Variants in SPPL3 observed in about 807,000 individuals in gnomAD.
The protein encoded by SPPL3 is signal peptide peptidase-like 3.
A neutral mutation model predicts 42.4 loss-of-function variants in SPPL3; 5 were observed. The ratio of observed to expected loss-of-function variants is 0.12; its 90% CI spans 0.06 to 0.25. SPPL3 has a LOEUF of 0.25. Ranked by LOEUF, SPPL3 falls within the 10% of genes least tolerant of loss-of-function variation. SPPL3 has a pLI of 1.00. For synonymous variants in SPPL3, 195 were observed against 181.8 expected (o/e 1.07, Z -0.58); for missense variants, 235 against 489.0 (o/e 0.48, Z 4.90).
chr12:120,787,464 A>G (rs1389155796), intron 3 of SPPL3, among the ~76,000 whole-genome samples: 7 of 152,152 alleles, frequency 4.6e-5, no homozygotes, highest in Non-Finnish European at 1.0e-4. Flanking sequence ...AAGTTAGAAC[A>G]AGGTCAGGGG....
At chr12:120,778,004 G>T (rs539902551) in intron 6 of SPPL3, among the ~76,000 whole-genome samples, 64 of 151,488 alleles carry the variant, frequency 4.2e-4, no homozygotes, top group Admixed American at 8.6e-4. Flanking sequence ...TTGGTATATG[G>T]TAGACACTCA....
intron 1 of SPPL3, among the ~76,000 whole-genome samples, chr12:120,828,479 T>G (rs1871296726): frequency 6.6e-6 from 1 of 151,868 alleles, no homozygotes; most frequent in African/African-American, 2.4e-5. Flanking sequence ...AGAGCAGAAA[T>G]CAATGAGACT....
rs1187886741 is a variant in SPPL3, at chr12:120,785,505, A to G, written c.191-912T>C. Among the ~76,000 whole-genome samples the G allele has an allele frequency of 2.0e-5, 3 of 152,280 alleles. No homozygotes were observed. The East Asian group carries it at 5.8e-4, about 29-fold the overall frequency. On this transcript the variant is annotated intron_variant, in intron 3 of 10. Transcript: ENST00000353487. Reference sequence around the variant, plus strand: ...TTGCATCTAGGGTTGAGAACCATTAATAGAGTATTTTTGGTAGAGAAGGAA... The same window carrying G: ...TTGCATCTAGGGTTGAGAACCATTAGTAGAGTATTTTTGGTAGAGAAGGAA...
intron 1 of SPPL3, among the ~76,000 whole-genome samples, chr12:120,816,851 T>C (rs11065276): frequency 0.063 from 9,665 of 152,258 alleles, 552 homozygotes; most frequent in East Asian, 0.3. Context: ...CAAAACTGGA[T>C]GACAAACTGA....
intron 1 of SPPL3, among the ~76,000 whole-genome samples, chr12:120,840,397 G>A (rs937456464): frequency 7.3e-5 from 11 of 151,548 alleles, no homozygotes; most frequent in Admixed American, 1.3e-4. Context: ...ATATATATTG[G>A]ATGATTCCAT....
chr12:120,820,652 G>A (rs1437923804), intron 1 of SPPL3, among the ~76,000 whole-genome samples: 2 of 151,990 alleles, frequency 1.3e-5, no homozygotes, highest in Non-Finnish European at 2.9e-5. Flanking sequence ...TAATGTTGGA[G>A]ATCATTGTTT....
chr12:120,848,937 T>A (rs187129637), intron 1 of SPPL3, among the ~76,000 whole-genome samples: 39 of 152,286 alleles, frequency 2.6e-4, no homozygotes, highest in Admixed American at 1.9e-3. Context: ...GTTTTTTTTT[T>A]GGCCATCTTT....
intron 1 of SPPL3, chr12:120,835,719 T>C (rs1051149422): frequency 5.3e-5 from 8 of 152,182 alleles, no homozygotes; most frequent in African/African-American, 1.9e-4. Flanking sequence ...CAAGTCGGTA[T>C]TACAGAATTC....
At chr12:120,873,561 C>A (rs1054511944) in intron 1 of SPPL3, among the ~76,000 whole-genome samples, 2 of 152,024 alleles carry the variant, frequency 1.3e-5, no homozygotes, top group African/African-American at 4.8e-5. Context: ...AGGAAAAGGC[C>A]GTATTATTCA....
intron 2 of SPPL3, among the ~76,000 whole-genome samples, chr12:120,793,118 T>C (rs1052785933): frequency 2.6e-5 from 4 of 152,170 alleles, no homozygotes; most frequent in Admixed American, 6.5e-5. Flanking sequence ...GAACAAAGGA[T>C]CTGAAGAGAC....
intron 2 of SPPL3, among the ~76,000 whole-genome samples, chr12:120,793,205 A>T (rs1164373938): frequency 6.6e-6 from 1 of 152,214 alleles, no homozygotes; most frequent in Non-Finnish European, 1.5e-5. Flanking sequence ...TCAGGGAAAT[A>T]CAAGTCAAAA....
chr12:120,821,886 C>G (rs113554267), intron 1 of SPPL3, among the ~76,000 whole-genome samples: 3 of 152,120 alleles, frequency 2.0e-5, no homozygotes, highest in Admixed American at 2.0e-4. Flanking sequence ...AATTGTGGTA[C>G]AGCCATCCAA....
chr12:120,807,924 A>G (rs556168208), intron 2 of SPPL3, among the ~76,000 whole-genome samples: 1 of 145,036 alleles, frequency 6.9e-6, no homozygotes, highest in East Asian at 2.0e-4. Context: ...ATCATGATTT[A>G]CTTTTTGCAG....
chr12:120,784,292 G>A (rs1036460364), intron 4 of SPPL3, 182 bp downstream of exon 4: 1 of 515,432 alleles, frequency 1.9e-6, no homozygotes, highest in African/African-American at 2.0e-5. Flanking sequence ...AGATGACGTG[G>A]ATCAAGAGGT....
At chr12:120,853,976 G>GCACACA (rs1246999754) in intron 1 of SPPL3, among the ~76,000 whole-genome samples, 39 of 64,170 alleles carry the variant, frequency 6.1e-4, no homozygotes, top group South Asian at 4.0e-3. Flanking sequence ...CCACACACAC[G>GCACACA]CACACATACA....
chr12:120,858,600 C>A (rs992840997), intron 1 of SPPL3, among the ~76,000 whole-genome samples: 1 of 151,894 alleles, frequency 6.6e-6, no homozygotes, highest in African/African-American at 2.4e-5. Context: ...AATGAACAAC[C>A]AACGGGTAAC....
Position 120,782,264 on chromosome 12 carries a change from G to A in SPPL3, c.502+391C>T, listed in dbSNP as rs115118172. On this transcript the variant is annotated intron_variant, in intron 6 of 10. Coordinates refer to ENST00000353487, the MANE Select transcript of SPPL3 (RefSeq NM_139015.5). The stretch of plus-strand genomic sequence containing the variant: ...AATAGCCTAAAAAGTGGAAACAACC[G>A]GTAAACGAATAAATAAAATTAGTGT... 3.3e-3 allele frequency among the ~76,000 whole-genome samples: 500 copies of A among 152,236 alleles called. 5 individuals are homozygous for A. Among genetic ancestry groups the A allele is most frequent in the African/African-American group, 0.012 (483 of 41,510 alleles).
chr12:120,825,098 C>A (rs577145756), intron 1 of SPPL3, among the ~76,000 whole-genome samples: 166 of 151,524 alleles, frequency 1.1e-3, no homozygotes, highest in Middle Eastern at 6.8e-3. Context: ...CAAATGGAAT[C>A]TTAATTACTA....
In SPPL3 at chr12:120,762,993, A is replaced by C. The variant is rs1472347729; in HGVS notation, c.*2006T>G. On this transcript the variant is annotated 3_prime_UTR_variant, in exon 11 of 11. Coordinates refer to ENST00000353487, the MANE Select transcript of SPPL3 (RefSeq NM_139015.5). ...CTATATGCATCCTCGAGGGCTGAGA[A>C]GGAAGGAAGGGAGAGTCCGCAAGTG... 5.3e-5 allele frequency: 8 copies of C among 152,224 alleles called. No individual in the cohort carries two copies. Among genetic ancestry groups the C allele is most frequent in the Non-Finnish European group, 1.2e-4 (8 of 68,074 alleles). 9.4% of individuals were successfully genotyped at this position (152,224 alleles called of 1,614,324 possible). A position where few individuals can be genotyped will look rare whatever the true frequency, so the allele number is the denominator to read the frequency against.
Sources: allele counts gnomAD v4.1 joint callset (sites outside exome capture counted in the v4.1 genomes callset), GRCh38; gene constraint gnomAD v4.1.1; transcripts MANE v1.5; gene names NCBI Gene and HGNC (gene_info 2026-07-23, HGNC 2026-07-21).